MCTP1: variants seen among roughly 807,000 people sequenced by gnomAD.
The protein encoded by MCTP1 is multiple C2 and transmembrane domain-containing protein 1.
A neutral mutation model predicts 120.6 loss-of-function variants in MCTP1; 69 were observed. The ratio of observed to expected loss-of-function variants is 0.57; its 90% CI spans 0.47 to 0.70. The LOEUF (loss-of-function observed/expected upper bound fraction) is 0.70, where lower values mean the gene tolerates loss of function less well. MCTP1 is among the 30% of genes least tolerant of loss of function. The probability of loss-of-function intolerance (pLI) is 0.00; values close to 1 mark genes in which losing one functional copy is unlikely to be tolerated. For missense variants in MCTP1, 1,203 were observed against 1,248.8 expected (o/e 0.96, Z 0.55); for synonymous variants, 529 against 493.1 (o/e 1.07, Z -0.96).
At chr5:95,201,464 G>GTTTTTTTTTTT (rs70978174) in intron 1 of MCTP1, among the ~76,000 whole-genome samples, 1 of 97,192 alleles carries the variant, frequency 1.0e-5, no homozygotes, top group African/African-American at 4.1e-5. Flanking sequence ...AGGAAAAGTG[G>GTTTTTTTTTTT]TTTTTTTTTT....
chr5:94,725,169 G>C (rs1055332475), intron 19 of MCTP1, among the ~76,000 whole-genome samples: 6 of 152,138 alleles, frequency 3.9e-5, no homozygotes, highest in African/African-American at 7.2e-5. Context: ...ACAGGTCACT[G>C]CCTGTCCTTA....
intron 20 of MCTP1, among the ~76,000 whole-genome samples, chr5:94,714,295 TTAAA>T (rs1758264333): frequency 6.6e-6 from 1 of 152,116 alleles, no homozygotes; most frequent in Non-Finnish European, 1.5e-5. Flanking sequence ...TCTCAGCTAT[TTAAA>T]TACAAACTTG....
rs987896442 is a variant in MCTP1, at chr5:94,706,769, C to T, written c.*727G>A. 5 of 151,662 alleles carry T rather than the reference C, an allele frequency of 3.3e-5. No individual in the cohort carries two copies. Among genetic ancestry groups the T allele is most frequent in the Non-Finnish European group, 7.4e-5 (5 of 67,818 alleles). The allele number at this position is 151,662 out of a possible 1,614,324, so 9.4% of individuals were successfully genotyped here. ...AGGTATAAAAATTCAGATAGGCAATCGTTTATAAACTGGCAGTATTTATGT... is the reference window on the plus strand; with the variant it reads ...AGGTATAAAAATTCAGATAGGCAATTGTTTATAAACTGGCAGTATTTATGT... On this transcript the variant is annotated 3_prime_UTR_variant, in exon 23 of 23. Coordinates refer to ENST00000515393, the MANE Select transcript of MCTP1 (RefSeq NM_024717.7).
chr5:94,743,812 T>C (rs369086870), intron 19 of MCTP1, among the ~76,000 whole-genome samples: 3 of 150,198 alleles, frequency 2.0e-5, no homozygotes, highest in South Asian at 4.2e-4. Context: ...TAATTTTTTG[T>C]ATATTTTTAG....
chr5:95,013,740 G>A (rs1308550950), intron 2 of MCTP1, among the ~76,000 whole-genome samples: 4 of 152,038 alleles, frequency 2.6e-5, no homozygotes, highest in African/African-American at 4.8e-5. Flanking sequence ...TCTAGTCACC[G>A]GAGAGTTCTG....
At chr5:95,278,493 C>CT (rs1760033818) in intron 1 of MCTP1, among the ~76,000 whole-genome samples, 1 of 152,120 alleles carries the variant, frequency 6.6e-6, no homozygotes, top group Non-Finnish European at 1.5e-5. Flanking sequence ...ATAATATCTA[C>CT]TTCGTTCACA....
chr5:94,851,542 C>T lies in MCTP1; in HGVS notation c.2436+16791G>A, dbSNP rs940716935. ...GCCTATCTGATAAAGATGTTCCACA[C>T]ATCCTTAATTTTAAACACAATTTAG... On this transcript the variant is annotated intron_variant, in intron 17 of 22. Coordinates refer to ENST00000515393, the MANE Select transcript of MCTP1 (RefSeq NM_024717.7). 1.3e-5 allele frequency among the ~76,000 whole-genome samples: 2 copies of T among 152,058 alleles called. 1 individual carries two copies. The highest frequency in any genetic ancestry group is 4.8e-5 in the African/African-American group (2 of 41,434).
chr5:94,757,224 C>T (rs1487809748), intron 19 of MCTP1, among the ~76,000 whole-genome samples: 1 of 152,176 alleles, frequency 6.6e-6, no homozygotes, highest in African/African-American at 2.4e-5. Flanking sequence ...CTGAAGGGGA[C>T]TTCCTATTGG....
intron 1 of MCTP1, among the ~76,000 whole-genome samples, chr5:95,167,515 A>C (rs1746575572): frequency 1.3e-5 from 2 of 152,232 alleles, no homozygotes; most frequent in Admixed American, 1.3e-4. Context: ...ACTAGTTTAC[A>C]GTCCCACCAA....
chr5:95,124,875 T>C (rs1452772371), intron 1 of MCTP1, among the ~76,000 whole-genome samples: 1 of 152,236 alleles, frequency 6.6e-6, no homozygotes, highest in East Asian at 1.9e-4. Context: ...TTTCATCTTC[T>C]GCACACCTTT....
intron 17 of MCTP1, among the ~76,000 whole-genome samples, chr5:94,823,012 G>C (rs1786043044): frequency 6.6e-6 from 1 of 152,184 alleles, no homozygotes; most frequent in South Asian, 2.1e-4. Flanking sequence ...TGTTCACTCT[G>C]ATGATAGATT....
intron 1 of MCTP1, among the ~76,000 whole-genome samples, chr5:95,148,776 C>T (rs1054050722): frequency 1.3e-5 from 2 of 151,904 alleles, no homozygotes; most frequent in Admixed American, 1.3e-4. Flanking sequence ...GCCAGAATTC[C>T]TGTGTTGATT....
intron 6 of MCTP1, among the ~76,000 whole-genome samples, chr5:94,925,558 G>A (rs1242079089): frequency 6.6e-6 from 1 of 151,944 alleles, no homozygotes. Context: ...ACAGGTGCGC[G>A]CCACCACACC....
chr5:95,035,218 G>A (rs1323954165), intron 1 of MCTP1, among the ~76,000 whole-genome samples: 1 of 151,700 alleles, frequency 6.6e-6, no homozygotes, highest in African/African-American at 2.4e-5. Flanking sequence ...TCTTACTACT[G>A]GCCATCTACC....
At chr5:94,729,715 C>T (rs1762787903) in intron 19 of MCTP1, among the ~76,000 whole-genome samples, 1 of 152,172 alleles carries the variant, frequency 6.6e-6, no homozygotes. Context: ...ACAAACTCAA[C>T]TTGCTTGAGG....
At chr5:95,014,629 A>T (rs1836716724) in intron 2 of MCTP1, among the ~76,000 whole-genome samples, 2 of 152,132 alleles carry the variant, frequency 1.3e-5, no homozygotes, top group African/African-American at 4.8e-5. Flanking sequence ...AATTGAATCT[A>T]TTATTTGTAC....
chr5:95,080,497 T>A (rs1754650164), intron 1 of MCTP1, among the ~76,000 whole-genome samples: 1 of 152,166 alleles, frequency 6.6e-6, no homozygotes, highest in African/African-American at 2.4e-5. Context: ...GCAGACACAT[T>A]TTTGAAAACC....
intron 2 of MCTP1, among the ~76,000 whole-genome samples, chr5:94,964,378 T>G (rs975017831): frequency 1.3e-4 from 20 of 152,018 alleles, no homozygotes; most frequent in Admixed American, 5.2e-4. Context: ...GGGTCTAGAG[T>G]GTAGTTTAAG....
At position 95,284,053 on chromosome 5, in the gene MCTP1, T is replaced by C. The variant is rs1358409537; in HGVS notation, c.523A>G (p.Arg175Gly). 1 of 1,533,892 alleles carries C rather than the reference T, an allele frequency of 6.5e-7. No individual in the cohort carries two copies. The change falls in exon 1 of 23, where the codon AGG becomes GGG. Residue 175 changes from arginine (R) to glycine (G), a missense_variant. By Grantham distance (125) the Arg-to-Gly change is moderately radical. Around this residue, in one of 2 missense-constraint regions of MCTP1, gnomAD observed 463 missense variants for 377.8 expected, o/e 1.23. Coordinates refer to ENST00000515393, the MANE Select transcript of MCTP1 (RefSeq NM_024717.7). The surrounding 1 kb of genome is among the most constrained non-coding windows in gnomAD (Gnocchi z 5.2). The part of the protein sequence containing the change: ...SLSSSPQPPP[R>G]GDRARDEGAR... Reference sequence around the variant, plus strand: ...CCCTCATCTCGGGCGCGGTCCCCCCTCGGGGGAGGCTGGGGCGAGGAGGAC... The same window carrying C: ...CCCTCATCTCGGGCGCGGTCCCCCCCCGGGGGAGGCTGGGGCGAGGAGGAC...
Sources: gnomAD v4.1 joint callset for allele counts (sites outside exome capture counted in the v4.1 genomes callset) on GRCh38, gnomAD v4.1.1 for gene constraint, gnomAD v4.1.1 regional missense constraint, Gnocchi (gnomAD v3.1) non-coding constraint, MANE v1.5 for transcripts, NCBI Gene and HGNC (gene_info 2026-07-23, HGNC 2026-07-21) for gene names.